Variants in CHST11 observed in about 807,000 individuals in gnomAD.
CHST11 encodes carbohydrate sulfotransferase 11.
A neutral mutation model predicts 30.4 loss-of-function variants in CHST11; 9 were observed. The observed-to-expected ratio is 0.30, with a 90% CI of 0.18 to 0.52. The LOEUF (loss-of-function observed/expected upper bound fraction) is 0.52. Ranked by LOEUF, CHST11 falls within the 20% of genes least tolerant of loss-of-function variation. The probability of loss-of-function intolerance (pLI) is 0.97; values close to 1 mark genes in which losing one functional copy is unlikely to be tolerated. For missense variants in CHST11, 348 were observed against 460.6 expected (o/e 0.76, Z 2.24); for synonymous variants, 152 against 187.8 (o/e 0.81, Z 1.56).
chr12:104,749,483 G>A (rs1255969618), intron 2 of CHST11, among the ~76,000 whole-genome samples: 1 of 152,194 alleles, frequency 6.6e-6, no homozygotes, highest in Non-Finnish European at 1.5e-5. Context: ...GAAGAGGGGA[G>A]AGAAAGGGAA....
chr12:104,628,407 A>G (rs2039239658), intron 2 of CHST11, among the ~76,000 whole-genome samples: 1 of 152,172 alleles, frequency 6.6e-6, no homozygotes, highest in Non-Finnish European at 1.5e-5. Context: ...TTTCTATTTT[A>G]AGCTGTCAGA....
intron 1 of CHST11, among the ~76,000 whole-genome samples, chr12:104,559,906 A>G (rs2136015725): frequency 6.6e-6 from 1 of 152,336 alleles, no homozygotes; most frequent in African/African-American, 2.4e-5. Context: ...TGCCATTTTA[A>G]AAGTAGTGGA....
intron 2 of CHST11, among the ~76,000 whole-genome samples, chr12:104,733,873 C>A (rs1249747065): frequency 6.6e-6 from 1 of 152,226 alleles, no homozygotes; most frequent in Non-Finnish European, 1.5e-5. Context: ...GGTCTGGTTT[C>A]TTTGAAAAGC....
intron 2 of CHST11, among the ~76,000 whole-genome samples, chr12:104,707,930 G>A (rs1462993743): frequency 2.6e-5 from 4 of 152,182 alleles, no homozygotes; most frequent in Non-Finnish European, 5.9e-5. Context: ...ACACATGCAG[G>A]CATGCACACA....
At chr12:104,587,047 G>C (rs1422800708) in intron 1 of CHST11, among the ~76,000 whole-genome samples, 1 of 152,172 alleles carries the variant, frequency 6.6e-6, no homozygotes, top group African/African-American at 2.4e-5. Context: ...CTTTACCCCA[G>C]ACACTCACAC....
At chr12:104,522,593 G>T (rs1363688834) in intron 1 of CHST11, among the ~76,000 whole-genome samples, 2 of 152,166 alleles carry the variant, frequency 1.3e-5, no homozygotes, top group Non-Finnish European at 2.9e-5. Context: ...AATCTCTGGA[G>T]ATGGGCCCTA....
intron 1 of CHST11, among the ~76,000 whole-genome samples, chr12:104,571,189 GTT>G (rs1254878773): frequency 2.7e-5 from 4 of 147,850 alleles, no homozygotes; most frequent in Admixed American, 2.0e-4. Flanking sequence ...TTGAGATGGA[GTT>G]TTGCTCTTAT....
At chr12:104,710,311 T>C (rs1421427937) in intron 2 of CHST11, among the ~76,000 whole-genome samples, 3 of 152,328 alleles carry the variant, frequency 2.0e-5, no homozygotes, top group South Asian at 4.1e-4. Flanking sequence ...ACAAAAATTC[T>C]TGCACCGCTG....
chr12:104,526,913 C>T (rs930531871), intron 1 of CHST11, among the ~76,000 whole-genome samples: 3 of 152,170 alleles, frequency 2.0e-5, no homozygotes, highest in South Asian at 2.1e-4. Context: ...TCTTTTCTCC[C>T]GGGTTGGCAA....
At chr12:104,609,233 C>T (rs2039035566) in intron 2 of CHST11, among the ~76,000 whole-genome samples, 1 of 152,226 alleles carries the variant, frequency 6.6e-6, no homozygotes, top group African/African-American at 2.4e-5. Context: ...CAGCATCTGT[C>T]TACCAGCCAA....
intron 2 of CHST11, among the ~76,000 whole-genome samples, chr12:104,640,597 A>G (rs372876415): frequency 4.6e-5 from 7 of 152,292 alleles, no homozygotes; most frequent in African/African-American, 1.2e-4. Context: ...GGGTTTCAGG[A>G]GGTGGGGAGA....
intron 1 of CHST11, among the ~76,000 whole-genome samples, chr12:104,489,388 T>C (rs1354991831): frequency 6.6e-6 from 1 of 151,988 alleles, no homozygotes; most frequent in Non-Finnish European, 1.5e-5. Context: ...GTCCATCCAC[T>C]GTTTTGACTT....
intron 2 of CHST11, among the ~76,000 whole-genome samples, chr12:104,723,334 C>G (rs1206903326): frequency 2.0e-5 from 3 of 152,190 alleles, no homozygotes; most frequent in Non-Finnish European, 4.4e-5. Context: ...AGTACACACA[C>G]AACATAGTCA....
At chr12:104,469,441 A>G (rs1302726081) in intron 1 of CHST11, among the ~76,000 whole-genome samples, 2 of 152,232 alleles carry the variant, frequency 1.3e-5, no homozygotes, top group African/African-American at 4.8e-5. Context: ...GGCACTGGTC[A>G]ATGCCATTTC....
intron 2 of CHST11, among the ~76,000 whole-genome samples, chr12:104,750,690 C>G (rs1039076444): frequency 6.6e-6 from 1 of 151,712 alleles, no homozygotes; most frequent in South Asian, 2.1e-4. Flanking sequence ...GTGATCCACT[C>G]GCCTCAGCCT....
At chr12:104,679,674 A>G in intron 2 of CHST11, among the ~76,000 whole-genome samples, 1 of 152,196 alleles carries the variant, frequency 6.6e-6, no homozygotes, top group Non-Finnish European at 1.5e-5. Flanking sequence ...AGGGACAGCC[A>G]GCACTATCAC....
chr12:104,488,870 GAGGCCGGA>G (rs1389259865), intron 1 of CHST11, among the ~76,000 whole-genome samples: 1 of 152,046 alleles, frequency 6.6e-6, no homozygotes, highest in African/African-American at 2.4e-5. Context: ...CGCAGTTCTG[GAGGCCGGA>G]AGTCCAGGAT....
chr12:104,457,209 TC>T lies in CHST11; in HGVS notation c.-201del, dbSNP rs1349582371. 17 of 504,354 alleles carry T rather than the reference TC, an allele frequency of 3.4e-5. No individual in the cohort carries two copies. Among genetic ancestry groups the T allele is most frequent in the Non-Finnish European group, 5.3e-5 (15 of 280,902 alleles). 31.2% of individuals were successfully genotyped at this position (504,354 alleles called of 1,614,324 possible). On this transcript the variant is annotated 5_prime_UTR_variant, in exon 1 of 3. Transcript: ENST00000303694. ...CAGCGGGTCCACGCATCTCAGCACT[TC>T]CAGACCAACTCCGGCACCTTCCACA...
chr12:104,567,119 A>G (rs1236134525), intron 1 of CHST11, among the ~76,000 whole-genome samples: 3 of 152,166 alleles, frequency 2.0e-5, no homozygotes, highest in South Asian at 2.1e-4. Context: ...GTCTCTAAAG[A>G]ATGGAGTACA....
Sources: gnomAD v4.1 joint callset for allele counts (sites outside exome capture counted in the v4.1 genomes callset) on GRCh38, gnomAD v4.1.1 for gene constraint, MANE v1.5 for transcripts, NCBI Gene and HGNC (gene_info 2026-07-23, HGNC 2026-07-21) for gene names.